PDZRN4: variants seen among roughly 807,000 people sequenced by gnomAD.
PDZRN4 encodes the protein PDZ domain containing ring finger 4.
PDZRN4 carries 70 observed loss-of-function variants against 99.0 expected under a neutral mutation model. The observed-to-expected ratio is 0.71, with a 90% CI of 0.58 to 0.86. PDZRN4 has a LOEUF of 0.86. Ranked by LOEUF, PDZRN4 falls within the 40% of genes least tolerant of loss-of-function variation. The pLI, the probability that PDZRN4 is intolerant of heterozygous loss-of-function variation, is 0.00. For synonymous variants in PDZRN4, 551 were observed against 501.6 expected (o/e 1.10, Z -1.32); for missense variants, 1,474 against 1,331.2 (o/e 1.11, Z -1.67).
At chr12:41,512,727 G>T (rs191886622) in intron 5 of PDZRN4, among the ~76,000 whole-genome samples, 5 of 152,212 alleles carry the variant, frequency 3.3e-5, no homozygotes, top group East Asian at 1.9e-4. Context: ...CAGCTGAGAG[G>T]GAGTGGGGTA....
chr12:41,448,206 C>A (rs1409757739), intron 3 of PDZRN4, among the ~76,000 whole-genome samples: 1 of 152,114 alleles, frequency 6.6e-6, no homozygotes, highest in Non-Finnish European at 1.5e-5. Flanking sequence ...TGTTTTGTTT[C>A]CTCATTCTCT....
intron 3 of PDZRN4, among the ~76,000 whole-genome samples, chr12:41,282,295 A>T (rs112455429): frequency 0.015 from 2,252 of 152,344 alleles, 55 homozygotes; most frequent in African/African-American, 0.052. Context: ...ATAATGGTAA[A>T]GGGATCAATG....
rs10555918 is a variant in PDZRN4, at chr12:41,446,526, G to GT, written c.844-59919dup. Among the ~76,000 whole-genome samples the GT allele has an allele frequency of 4.2e-4, 63 of 149,410 alleles. No homozygotes were observed. The South Asian group carries it at 5.3e-3, about 12-fold the overall frequency. ...ACTGAATCATGGTAGAATTTAGATG[G>GT]TTTTTTTTTTTAGGTAAAGCAAAGT... On this transcript the variant is annotated intron_variant, in intron 3 of 9. Coordinates refer to ENST00000402685, the MANE Select transcript of PDZRN4 (RefSeq NM_001164595.2).
intron 3 of PDZRN4, among the ~76,000 whole-genome samples, chr12:41,484,232 CAAAT>C (rs1937731682): frequency 6.6e-6 from 1 of 152,128 alleles, no homozygotes; most frequent in Admixed American, 6.6e-5. Context: ...TGTAAATACT[CAAAT>C]AATCATAAGA....
At chr12:41,311,696 G>A (rs1002757015) in intron 3 of PDZRN4, among the ~76,000 whole-genome samples, 2 of 152,070 alleles carry the variant, frequency 1.3e-5, no homozygotes, top group Non-Finnish European at 2.9e-5. Context: ...AAATATGTAT[G>A]AATCATTGAC....
At chr12:41,393,611 G>T (rs933722080) in intron 3 of PDZRN4, among the ~76,000 whole-genome samples, 1 of 152,146 alleles carries the variant, frequency 6.6e-6, no homozygotes, top group Non-Finnish European at 1.5e-5. Context: ...TTGTATAACA[G>T]GTTCTCAACA....
At chr12:41,549,078 C>T (rs1939010331) in intron 5 of PDZRN4, among the ~76,000 whole-genome samples, 1 of 152,114 alleles carries the variant, frequency 6.6e-6, no homozygotes, top group South Asian at 2.1e-4. Context: ...TTCTTTCACT[C>T]TAGTGACAAA....
intron 3 of PDZRN4, among the ~76,000 whole-genome samples, chr12:41,449,622 A>G (rs1178067252): frequency 6.6e-6 from 1 of 152,194 alleles, no homozygotes; most frequent in African/African-American, 2.4e-5. Context: ...ACAGGGAGGA[A>G]CAAAGTGTCA....
chr12:41,273,357 G>A (rs1007828007), intron 3 of PDZRN4, among the ~76,000 whole-genome samples: 2 of 152,078 alleles, frequency 1.3e-5, no homozygotes, highest in Admixed American at 1.3e-4. Context: ...CCTGGTTGTG[G>A]AGAGTGTCAT....
intron 3 of PDZRN4, among the ~76,000 whole-genome samples, chr12:41,214,809 A>G (rs1566365991): frequency 6.6e-6 from 1 of 152,104 alleles, no homozygotes; most frequent in Non-Finnish European, 1.5e-5. Context: ...AGGTAATAAT[A>G]AAAGATTTCA....
intron 3 of PDZRN4, among the ~76,000 whole-genome samples, chr12:41,319,212 C>T (rs1328473868): frequency 1.3e-5 from 2 of 152,138 alleles, no homozygotes; most frequent in African/African-American, 4.8e-5. Context: ...TAAGATTTCA[C>T]AGAGGGTTTT....
intron 3 of PDZRN4, among the ~76,000 whole-genome samples, chr12:41,411,048 A>AATATATATATATATATAT (rs367970913): frequency 7.8e-6 from 1 of 128,366 alleles, no homozygotes; most frequent in African/African-American, 2.9e-5. Context: ...TGAGCTTTAA[A>AATATATATATATATATAT]ATATATATAT....
At chr12:41,287,046 A>G (rs975219384) in intron 3 of PDZRN4, among the ~76,000 whole-genome samples, 2 of 152,184 alleles carry the variant, frequency 1.3e-5, no homozygotes, top group Non-Finnish European at 2.9e-5. Context: ...ATGTCCGCAG[A>G]GGACCCCAGC....
chr12:41,536,761 T>TAAAAAAAAAAAAAAAAAAAAA (rs59008796), intron 5 of PDZRN4, among the ~76,000 whole-genome samples: 16 of 137,334 alleles, frequency 1.2e-4, no homozygotes, highest in East Asian at 4.1e-4. Flanking sequence ...TATTGAAAAG[T>TAAAAAAAAAAAAAAAAAAAAA]AAAAAAAAAA....
chr12:41,495,992 A>G lies in PDZRN4; in HGVS notation c.844-10464A>G, dbSNP rs151028766. On this transcript the variant is annotated intron_variant, in intron 3 of 9. Coordinates refer to ENST00000402685, the MANE Select transcript of PDZRN4 (RefSeq NM_001164595.2). ...GTTAATACCTTCCTTTCAGCTTTTTATGAGTTTGGTTACAATTATAGATAT... is the reference window on the plus strand; with the variant it reads ...GTTAATACCTTCCTTTCAGCTTTTTGTGAGTTTGGTTACAATTATAGATAT... 1.4e-3 allele frequency among the ~76,000 whole-genome samples: 220 copies of G among 152,194 alleles called. 1 individual carries two copies. Among genetic ancestry groups the G allele is most frequent in the African/African-American group, 5.2e-3 (214 of 41,522 alleles).
At chr12:41,191,659 G>A (rs879611579) in intron 2 of PDZRN4, 115 bp downstream of exon 2, 143 of 538,382 alleles carry the variant, frequency 2.7e-4, no homozygotes, top group Non-Finnish European at 2.7e-4. Flanking sequence ...TTTTGAGTAA[G>A]AAAAACAAGT....
intron 3 of PDZRN4, among the ~76,000 whole-genome samples, chr12:41,293,429 T>G (rs1309680262): frequency 6.6e-6 from 1 of 151,736 alleles, no homozygotes; most frequent in Non-Finnish European, 1.5e-5. Flanking sequence ...CCCTACTACC[T>G]GCGCTCCTGC....
Position 41,317,048 on chromosome 12 carries a change from GTATA to G in PDZRN4, c.843+122883_843+122886del, listed in dbSNP as rs33919115. 2.6e-3 allele frequency among the ~76,000 whole-genome samples: 178 copies of G among 69,576 alleles called. 10 individuals are homozygous for G. In the Middle Eastern group the frequency reaches 0.085, roughly 33 times the overall value. The allele number at this position is 69,576 out of a possible 152,430, so 45.6% of individuals were successfully genotyped here. On this transcript the variant is annotated intron_variant, in intron 3 of 9. Transcript: ENST00000402685. ...TCCAGAGAATCATAACTTACATAAAGTATATATATATATATATATATATATAGTA... is the reference window on the plus strand; with the variant it reads ...TCCAGAGAATCATAACTTACATAAAGTATATATATATATATATATATAGTA...
At chr12:41,303,463 AC>A (rs1234345259) in intron 3 of PDZRN4, among the ~76,000 whole-genome samples, 1 of 152,212 alleles carries the variant, frequency 6.6e-6, no homozygotes, top group Non-Finnish European at 1.5e-5. Context: ...GCCAAAGGCT[AC>A]ATACATCTAA....
Sources: allele counts gnomAD v4.1 joint callset (sites outside exome capture counted in the v4.1 genomes callset), GRCh38; gene constraint gnomAD v4.1.1; transcripts MANE v1.5; gene names NCBI Gene and HGNC (gene_info 2026-07-23, HGNC 2026-07-21).